The following LTK variants were observed in gnomAD, a reference collection of about 807,000 sequenced individuals.
The protein encoded by LTK is leukocyte receptor tyrosine kinase.
Under a neutral mutation model 101.5 loss-of-function variants are expected in LTK, and 117 were observed. That is an observed-to-expected ratio of 1.15 (90% CI 0.99 to 1.34). LTK has a LOEUF of 1.34. Ranked by LOEUF, LTK falls within the 40% of genes most tolerant of loss-of-function variation. The pLI is 0.00. For missense variants in LTK, 1,252 were observed against 1,164.7 expected (o/e 1.07, Z -1.09); for synonymous variants, 563 against 494.2 (o/e 1.14, Z -1.85).
intron 16 of LTK, 32 bp downstream of exon 16, chr15:41,504,940 G>C: frequency 6.3e-7 from 1 of 1,599,494 alleles, no homozygotes; most frequent in Non-Finnish European, 8.5e-7. Flanking sequence ...CCCCCTTGGA[G>C]CAAGAGCCTT....
chr15:41,507,241 AGG>A lies in LTK; in HGVS notation c.1393_1394del (p.Pro465Ter), dbSNP rs780209477. On this transcript the variant is annotated frameshift_variant, in exon 11 of 20. Coordinates refer to ENST00000263800, the MANE Select transcript of LTK (RefSeq NM_002344.6). LOFTEE classifies it high-confidence loss of function. ...QGLQEMRLPS[P>X]ELELSKLRTS... ...TTCGAAGCTTGCTCAGCTCAAGCTC[AGG>A]GCTCGGCAGCCTCATCTCCTGCAGG... is the stretch of plus-strand genomic sequence containing the variant. 1.8e-3 allele frequency: 2,912 copies of A among 1,609,138 alleles called. 2 individuals are homozygous for A. Among genetic ancestry groups the A allele is most frequent in the Non-Finnish European group, 2.3e-3 (2,718 of 1,178,414 alleles).
chr15:41,506,221 A>G (rs1183819457), intron 11 of LTK, among the ~76,000 whole-genome samples: 1 of 152,232 alleles, frequency 6.6e-6, no homozygotes, highest in Non-Finnish European at 1.5e-5. Flanking sequence ...TGCGGGCCAG[A>G]GTCAAGGTGG....
In LTK at chr15:41,507,085, GA is replaced by G; in HGVS notation, c.1541+9del. On this transcript the variant is annotated intron_variant, in intron 11 of 19. Coordinates refer to ENST00000263800, the MANE Select transcript of LTK (RefSeq NM_002344.6). The stretch of plus-strand genomic sequence containing the variant: ...GTGCATAGGTTCTCAGAAGGAGGCA[GA>G]AGACTTACCTGAGCAGAGTAACATT... 6.2e-7 allele frequency: 1 copy of G among 1,608,940 alleles called. No homozygotes were observed. Among genetic ancestry groups the G allele is most frequent in the Non-Finnish European group, 8.5e-7 (1 of 1,178,480 alleles).
rs755114762 is a variant in LTK, at chr15:41,504,260, C to A, written c.2347-16G>T. On this transcript the variant is annotated splice_polypyrimidine_tract_variant and intron_variant, in intron 19 of 19. Coordinates refer to ENST00000263800, the MANE Select transcript of LTK (RefSeq NM_002344.6). ...CATCCGGGTCCTGTAATGGAAGAGT[C>A]AGGGAGCAGGGGGGCATAGAGTTTT... The A allele has an allele frequency of 6.2e-7, 1 of 1,606,598 alleles. No homozygotes were observed. The highest frequency in any genetic ancestry group is 2.2e-5 in the East Asian group (1 of 44,734).
rs1249758549 is a variant in LTK at position 41,504,274 on chromosome 15, G to A, written c.2347-30C>T. ...AATGGAAGAGTCAGGGAGCAGGGGG[G>A]CATAGAGTTTTCTGGCCCTCCCTCC... On this transcript the variant is annotated intron_variant, in intron 19 of 19. Coordinates refer to ENST00000263800, the MANE Select transcript of LTK (RefSeq NM_002344.6). The A allele has an allele frequency of 2.5e-6, 4 of 1,608,392 alleles. No individual in the cohort carries two copies. In the East Asian group the frequency reaches 6.7e-5, roughly 27 times the overall value.
rs772812107 is a variant in LTK at position 41,505,319 on chromosome 15, AG to A, written c.1828-15del. ...TGATGGCTGGCCCTGGGTCAGGCAG[AG>A]GGGGCATCAGTCCATGTAGGTCTCA... On this transcript the variant is annotated splice_polypyrimidine_tract_variant and intron_variant, in intron 14 of 19. Coordinates refer to ENST00000263800, the MANE Select transcript of LTK (RefSeq NM_002344.6). 15 of 1,613,408 alleles carry A rather than the reference AG, an allele frequency of 9.3e-6. 1 individual carries two copies. In the South Asian group the frequency reaches 1.6e-4, roughly 18 times the overall value.
chr15:41,512,044 C>T, intron 4 of LTK, 71 bp downstream of exon 4: 2 of 1,484,756 alleles, frequency 1.3e-6, no homozygotes, highest in Non-Finnish European at 8.9e-7. Flanking sequence ...GAGGAAAGCA[C>T]GCTCCCCCGG....
Position 41,505,461 on chromosome 15 carries a change from C to A in LTK, c.1767G>T (p.Leu589=). 3.7e-6 allele frequency: 6 copies of A among 1,614,112 alleles called. No homozygotes were observed. The highest frequency in any genetic ancestry group is 5.1e-6 in the Non-Finnish European group (6 of 1,180,018). Residue 589 remains leucine, a synonymous_variant, in exon 14 of 20, where the codon CTG becomes CTT. Transcript: ENST00000263800. ...TGTCCCCTCCAGACATCAGTTCCAG[C>A]AGAATGAGGCGAGGGGTGGCCCTGA... ...LSLRATPRLI[L]LELMSGGDMK... is the part of the protein sequence containing the mutation.
Position 41,508,227 on chromosome 15 carries a change from A to G in LTK, c.1097-6T>C. On this transcript the variant is annotated splice_polypyrimidine_tract_variant and splice_region_variant and intron_variant, in intron 8 of 19. Coordinates refer to ENST00000263800, the MANE Select transcript of LTK (RefSeq NM_002344.6). ...CTCTCCGTGGTTCTCGGTGACTGTG[A>G]GTAAAAGAACTGATATGATATGGTG... The G allele has an allele frequency of 1.2e-6, 2 of 1,608,820 alleles. No individual in the cohort carries two copies. The highest frequency in any genetic ancestry group is 1.7e-6 in the Non-Finnish European group (2 of 1,177,764).
chr15:41,513,769 C>T lies in LTK; in HGVS notation c.-60G>A. ...CGGTCGCGGCCACACCCCTGTCAAC[C>T]TAAAGTTGACAGCTCATTTTGCCAC... On this transcript the variant is annotated 5_prime_UTR_variant, in exon 1 of 20. An upstream open reading frame in the 5' UTR loses its in-frame stop. Coordinates refer to ENST00000263800, the MANE Select transcript of LTK (RefSeq NM_002344.6). The T allele has an allele frequency of 1.4e-6, 2 of 1,445,676 alleles. No individual in the cohort carries two copies. The highest frequency in any genetic ancestry group is 1.4e-5 in the African/African-American group (1 of 71,936). 89.6% of individuals were successfully genotyped at this position (1,445,676 alleles called of 1,614,324 possible).
At chr15:41,505,367 G>C in intron 14 of LTK, 34 bp downstream of exon 14, 2 of 1,591,950 alleles carry the variant, frequency 1.3e-6, no homozygotes, top group Non-Finnish European at 1.7e-6. Flanking sequence ...AGGGTCTTTA[G>C]AGGGGCCTGG....
In LTK at chr15:41,505,720, T is replaced by C. The variant is rs1595458570; in HGVS notation, c.1690A>G (p.Ile564Val). 6.2e-7 allele frequency: 1 copy of C among 1,613,800 alleles called. No homozygotes were observed. The change falls in exon 13 of 20, where the codon ATC (isoleucine) becomes GTC (valine). Residue 564 changes from isoleucine to valine, a missense_variant. By Grantham distance (29) the Ile-to-Val change is conservative (BLOSUM62 3). Transcript: ENST00000263800. ...CCCTGGTCCCAGGTGCACCTGATGA[T>C]GAGGGCCTCCATGAGGAAATCCAGC... ...DELDFLMEAL[I>V]ISKFRHQNIV...
chr15:41,512,377 A>C, intron 3 of LTK, 112 bp from the exon 4 acceptor site: 78 of 850,734 alleles, frequency 9.2e-5, no homozygotes, highest in Non-Finnish European at 1.3e-4. Context: ...AGGGACTTGG[A>C]GGCTGCAATC....
chr15:41,513,524 A>G (rs2051562236), intron 1 of LTK, 143 bp downstream of exon 1: 1 of 776,258 alleles, frequency 1.3e-6, no homozygotes. Flanking sequence ...CCCGCACTCC[A>G]GAAGCACGGA....
Position 41,505,423 on chromosome 15 carries a change from A to G in LTK, c.1805T>C (p.Leu602Pro). Reference sequence around the variant, plus strand: ...CACCAGGTGTGGCCGACTGTGCCTCAGGAAACTCTTCATGTCCCCTCCAGA... The same window carrying G: ...CACCAGGTGTGGCCGACTGTGCCTCGGGAAACTCTTCATGTCCCCTCCAGA... ...LMSGGDMKSF[L>P]RHSRPHLGQP... Residue 602 changes from leucine (L) to proline (P), a missense_variant, in exon 14 of 20, where the codon CTG (leucine) becomes CCG (proline). Leu to Pro is a moderately conservative substitution (Grantham distance 98, BLOSUM62 -3). Coordinates refer to ENST00000263800, the MANE Select transcript of LTK (RefSeq NM_002344.6). 2 of 1,614,116 alleles carry G rather than the reference A, an allele frequency of 1.2e-6. No individual in the cohort carries two copies. The highest frequency in any genetic ancestry group is 1.3e-5 in the African/African-American group (1 of 75,032).
At position 41,505,450 on chromosome 15, in the gene LTK, A is replaced by G. The variant is rs1326249527; in HGVS notation, c.1778T>C (p.Met593Thr). 6.2e-7 allele frequency: 1 copy of G among 1,614,004 alleles called. No individual in the cohort carries two copies. Among genetic ancestry groups the G allele is most frequent in the Admixed American group, 1.7e-5 (1 of 59,998 alleles). Residue 593 changes from methionine (M) to threonine (T), a missense_variant, in exon 14 of 20, where the codon ATG (methionine) becomes ACG (threonine). Transcript: ENST00000263800. ...ATPRLILLEL[M>T]SGGDMKSFLR... ...GAAACTCTTCATGTCCCCTCCAGAC[A>G]TCAGTTCCAGCAGAATGAGGCGAGG...
chr15:41,511,682 CCCCAGCCCAGCCCAG>C lies in LTK; in HGVS notation c.658-119_658-105del. On this transcript the variant is annotated intron_variant, in intron 5 of 19. Coordinates refer to ENST00000263800, the MANE Select transcript of LTK (RefSeq NM_002344.6). This position sits in a 1 kb window ranked among gnomAD's most constrained non-coding sequence, Gnocchi z 5.9. ...AGGGGGCCTGGATAAGGGCAGGGGC[CCCCAGCCCAGCCCAG>C]GCCAGCCCAGCCCAGCGCAGGGATA... 1 of 1,410,968 alleles carries C rather than the reference CCCCAGCCCAGCCCAG, an allele frequency of 7.1e-7. No homozygotes were observed. The highest frequency in any genetic ancestry group is 1.5e-5 in the South Asian group (1 of 67,710). The allele number at this position is 1,410,968 out of a possible 1,614,324, so 87.4% of individuals were successfully genotyped here.
rs753487595 is a variant in LTK, at chr15:41,507,667, AAGAG to A, written c.1250-14_1250-11del. The A allele has an allele frequency of 4.3e-6, 7 of 1,610,628 alleles. No individual in the cohort carries two copies. Among genetic ancestry groups the A allele is most frequent in the Non-Finnish European group, 5.1e-6 (6 of 1,178,654 alleles). ...GGGGGCTTGTGCAGGTCTAGGGAGA[AAGAG>A]AGACACCTCCAGTGGGAAGGTCTTC... On this transcript the variant is annotated splice_polypyrimidine_tract_variant and intron_variant, in intron 9 of 19. Transcript: ENST00000263800.
Position 41,505,314 on chromosome 15 carries a change from G to T in LTK, c.1828-9C>A. On this transcript the variant is annotated splice_polypyrimidine_tract_variant and intron_variant, in intron 14 of 19. Transcript: ENST00000263800. ...AGAGGTGATGGCTGGCCCTGGGTCA[G>T]GCAGAGGGGGCATCAGTCCATGTAG... is the stretch of plus-strand genomic sequence containing the variant. 2 of 1,613,944 alleles carry T rather than the reference G, an allele frequency of 1.2e-6. No homozygotes were observed. The highest frequency in any genetic ancestry group is 1.7e-6 in the Non-Finnish European group (2 of 1,179,914).
Sources: allele counts gnomAD v4.1 joint callset (sites outside exome capture counted in the v4.1 genomes callset), GRCh38; gene constraint gnomAD v4.1.1; non-coding constraint Gnocchi (gnomAD v3.1); transcripts MANE v1.5; gene names NCBI Gene and HGNC (gene_info 2026-07-23, HGNC 2026-07-21).